Variants in SEMA3D observed in about 807,000 individuals in gnomAD.
SEMA3D encodes the protein semaphorin 3D, also known as semaphorin-3D.
Under a neutral mutation model 100.1 loss-of-function variants are expected in SEMA3D, and 84 were observed. The ratio of observed to expected loss-of-function variants is 0.84; its 90% CI spans 0.70 to 1.01. The LOEUF (loss-of-function observed/expected upper bound fraction) is 1.01. Among genes scored for constraint, SEMA3D ranks in the 50% least tolerant of loss-of-function variants. The pLI, the probability that SEMA3D is intolerant of heterozygous loss-of-function variation, is 0.00. For missense variants in SEMA3D, 875 were observed against 934.1 expected, an observed-to-expected ratio of 0.94 and a Z score of 0.82; for synonymous variants, 312 against 320.7, an observed-to-expected ratio of 0.97 and a Z score of 0.29.
intron 2 of SEMA3D, among the ~76,000 whole-genome samples, chr7:85,134,639 C>G (rs940342428): frequency 6.6e-6 from 1 of 152,000 alleles, no homozygotes; most frequent in African/African-American, 2.4e-5. Flanking sequence ...ATATCTATTA[C>G]ATTTACCACG....
chr7:85,214,105 T>C, the SEMA3D span, among the ~76,000 whole-genome samples: 1 of 152,110 alleles, frequency 6.6e-6, no homozygotes, highest in African/African-American at 2.4e-5. Context: ...GATATTGTGG[T>C]TTGGGTAGGT....
chr7:85,109,331 T>C (rs1380406140), intron 3 of SEMA3D, among the ~76,000 whole-genome samples: 1 of 151,928 alleles, frequency 6.6e-6, no homozygotes, highest in African/African-American at 2.4e-5. Context: ...CATCACCCAT[T>C]ACAGCTATAT....
At chr7:85,018,849 A>G (rs2115831307) in intron 14 of SEMA3D, among the ~76,000 whole-genome samples, 1 of 151,850 alleles carries the variant, frequency 6.6e-6, no homozygotes, top group Non-Finnish European at 1.5e-5. Context: ...AATGCATGCA[A>G]GATAAAATCA....
At chr7:85,012,868 T>G in intron 16 of SEMA3D, 22 bp from the exon 17 acceptor site, 1 of 1,592,654 alleles carries the variant, frequency 6.3e-7, no homozygotes, top group South Asian at 1.1e-5. Flanking sequence ...GGATTAAACT[T>G]ATTAGAACTT....
the SEMA3D span, among the ~76,000 whole-genome samples, chr7:85,203,808 G>GA: frequency 1.3e-4 from 19 of 148,780 alleles, no homozygotes; most frequent in East Asian, 7.9e-4. Context: ...AATACAGGGG[G>GA]AAAACAAAAA....
At chr7:85,200,320 G>C in the SEMA3D span, among the ~76,000 whole-genome samples, 1 of 151,578 alleles carries the variant, frequency 6.6e-6, no homozygotes, top group East Asian at 1.9e-4. Context: ...TGCCCAAAAC[G>C]TTGTTAGGGA....
the SEMA3D span, among the ~76,000 whole-genome samples, chr7:85,239,597 G>A: frequency 6.6e-6 from 1 of 152,172 alleles, no homozygotes. Context: ...CCTAGGTGAT[G>A]CTGACCACTT....
intron 2 of SEMA3D, chr7:85,144,577 G>C (rs1380103071): frequency 5.1e-6 from 5 of 984,922 alleles, no homozygotes; most frequent in African/African-American, 1.7e-5. Flanking sequence ...CAGGATTTCC[G>C]TGAGGATCTT....
chr7:85,185,726 A>T (rs915883545), intron 1 of SEMA3D, among the ~76,000 whole-genome samples: 1 of 152,140 alleles, frequency 6.6e-6, no homozygotes, highest in East Asian at 1.9e-4. Context: ...AAAGCAACTC[A>T]GCCCAGGAGG....
chr7:85,051,540 T>C (rs1791165252), intron 9 of SEMA3D, among the ~76,000 whole-genome samples: 2 of 151,932 alleles, frequency 1.3e-5, no homozygotes, highest in Admixed American at 1.3e-4. Flanking sequence ...TTGGATTCTA[T>C]CCTTGCCCTT....
At chr7:85,230,726 T>G in the SEMA3D span, among the ~76,000 whole-genome samples, 1 of 152,216 alleles carries the variant, frequency 6.6e-6, no homozygotes, top group Non-Finnish European at 1.5e-5. Context: ...TTTGCTCATT[T>G]CCTGAATGTA....
intron 3 of SEMA3D, among the ~76,000 whole-genome samples, chr7:85,113,763 C>A: frequency 1.1e-5 from 1 of 92,228 alleles, no homozygotes; most frequent in Non-Finnish European, 2.1e-5. Flanking sequence ...GAGTGATATT[C>A]TGTCTCAAAA....
At chr7:85,022,296 T>G (rs1436871117) in intron 13 of SEMA3D, 95 bp downstream of exon 13, 10 of 826,956 alleles carry the variant, frequency 1.2e-5, no homozygotes, top group Non-Finnish European at 2.0e-5. Flanking sequence ...TTACTCATTT[T>G]TATTTTGACC....
At chr7:85,039,433 A>G (rs1343946132) in intron 11 of SEMA3D, among the ~76,000 whole-genome samples, 1 of 151,994 alleles carries the variant, frequency 6.6e-6, no homozygotes, top group Non-Finnish European at 1.5e-5. Context: ...AATTTTTTGT[A>G]TTTTTAGTAG....
At chr7:85,225,319 C>A in the SEMA3D span, among the ~76,000 whole-genome samples, 3 of 149,570 alleles carry the variant, frequency 2.0e-5, no homozygotes, top group Non-Finnish European at 3.0e-5. Flanking sequence ...TTTTCTTTTC[C>A]CCTTCTCCTT....
intron 5 of SEMA3D, among the ~76,000 whole-genome samples, chr7:85,079,220 G>A (rs1787981617): frequency 6.6e-6 from 1 of 152,100 alleles, no homozygotes; most frequent in African/African-American, 2.4e-5. Context: ...ATTAAATGAG[G>A]TTATACATGT....
At chr7:85,172,303 A>G (rs1454952947) in intron 1 of SEMA3D, among the ~76,000 whole-genome samples, 1 of 151,964 alleles carries the variant, frequency 6.6e-6, no homozygotes, top group Admixed American at 6.6e-5. Context: ...TGAGGACCCA[A>G]AAGCAAAAGA....
At chr7:85,072,922 T>C in intron 6 of SEMA3D, 40 bp downstream of exon 6, 1 of 1,497,378 alleles carries the variant, frequency 6.7e-7, no homozygotes, top group Non-Finnish European at 9.2e-7. Flanking sequence ...AGTAATGTAT[T>C]ACAATAAATT....
At chr7:85,158,665 T>A (rs1030028305) in intron 1 of SEMA3D, among the ~76,000 whole-genome samples, 2 of 152,182 alleles carry the variant, frequency 1.3e-5, no homozygotes, top group Admixed American at 6.6e-5. Flanking sequence ...ACCCTATTCG[T>A]ACAATCCCTC....
Sources: allele counts gnomAD v4.1 joint callset (sites outside exome capture counted in the v4.1 genomes callset), GRCh38; gene constraint gnomAD v4.1.1; transcripts MANE v1.5; gene names NCBI Gene and HGNC (gene_info 2026-07-23, HGNC 2026-07-21).